UBE3C: variants seen among roughly 807,000 people sequenced by gnomAD.
UBE3C encodes ubiquitin protein ligase E3C, also known as ubiquitin-protein ligase E3C.
UBE3C carries 42 observed loss-of-function variants against 129.4 expected under a neutral mutation model. That is an observed-to-expected ratio of 0.32 (90% CI 0.25 to 0.42). The LOEUF is 0.42. UBE3C is among the 10% of genes least tolerant of loss of function. UBE3C has a pLI of 1.00. For missense variants in UBE3C, 1,049 were observed against 1,319.1 expected (o/e 0.80, Z 3.17); for synonymous variants, 510 against 492.4 (o/e 1.04, Z -0.47).
chr7:157,204,889 C>T (rs1308083752), intron 11 of UBE3C, among the ~76,000 whole-genome samples: 3 of 152,202 alleles, frequency 2.0e-5, no homozygotes, highest in Non-Finnish European at 4.4e-5. Context: ...CTTAAAAGCT[C>T]TTTGCAAGGG....
intron 11 of UBE3C, among the ~76,000 whole-genome samples, chr7:157,205,092 A>G (rs942685316): frequency 2.6e-5 from 4 of 152,248 alleles, no homozygotes; most frequent in Middle Eastern, 3.2e-3. Flanking sequence ...TTATTTGCAC[A>G]TAAGTCTTTG....
chr7:157,239,188 A>G (rs1259567393), intron 18 of UBE3C, among the ~76,000 whole-genome samples: 1 of 152,234 alleles, frequency 6.6e-6, no homozygotes, highest in Non-Finnish European at 1.5e-5. Context: ...TAGCCCCTAA[A>G]CTGGAAACTA....
In UBE3C at chr7:157,194,538, AG is replaced by A. The variant is rs538939031; in HGVS notation, c.1332-7181del. Among the ~76,000 whole-genome samples the A allele has an allele frequency of 1.8e-3, 269 of 152,340 alleles. 1 individual carries two copies. The highest frequency in any genetic ancestry group is 3.4e-3 in the Middle Eastern group (1 of 294). ...GGCTCTGGAATTAGGCAGTAGGTCG[AG>A]GCTGGAAGAATTCTGAGGCGCATGC... On this transcript the variant is annotated intron_variant, in intron 10 of 22. Coordinates refer to ENST00000348165, the MANE Select transcript of UBE3C (RefSeq NM_014671.3).
At chr7:157,225,609 T>G (rs1349156826) in intron 17 of UBE3C, 70 bp downstream of exon 17, 1 of 1,459,786 alleles carries the variant, frequency 6.9e-7, no homozygotes, top group African/African-American at 1.4e-5. Context: ...AAATGGTGGT[T>G]CTTTAAAAAT....
intron 4 of UBE3C, among the ~76,000 whole-genome samples, chr7:157,171,869 G>A (rs906017910): frequency 1.7e-4 from 26 of 150,518 alleles, no homozygotes; most frequent in African/African-American, 5.3e-4. Context: ...ACCACGCCCA[G>A]CTAATTTTTG....
At chr7:157,243,764 C>T (rs1272374799) in intron 18 of UBE3C, among the ~76,000 whole-genome samples, 1 of 152,200 alleles carries the variant, frequency 6.6e-6, no homozygotes, top group Admixed American at 6.5e-5. Context: ...TATACATAAC[C>T]TGAAACCCAC....
chr7:157,263,387 C>T (rs1471699763), intron 22 of UBE3C, among the ~76,000 whole-genome samples: 1 of 152,172 alleles, frequency 6.6e-6, no homozygotes, highest in African/African-American at 2.4e-5. Flanking sequence ...TACAGAAAGT[C>T]GAACGGGGGC....
At chr7:157,192,623 T>C (rs1053315976) in intron 10 of UBE3C, 1 of 765,178 alleles carries the variant, frequency 1.3e-6, no homozygotes, top group African/African-American at 1.7e-5. Flanking sequence ...CTTACCCCAC[T>C]CCCAAGAAGA....
intron 10 of UBE3C, among the ~76,000 whole-genome samples, chr7:157,194,771 C>T (rs185777828): frequency 1.1e-4 from 17 of 152,210 alleles, no homozygotes; most frequent in Admixed American, 9.2e-4. Context: ...TACATAGTGG[C>T]AAAAAGCTAA....
At chr7:157,173,350 T>G (rs919612955) in intron 4 of UBE3C, among the ~76,000 whole-genome samples, 1 of 152,106 alleles carries the variant, frequency 6.6e-6, no homozygotes. Context: ...CACTCCAGCC[T>G]GGGCGGTTGA....
intron 10 of UBE3C, among the ~76,000 whole-genome samples, chr7:157,189,856 A>G (rs1808907802): frequency 1.3e-5 from 2 of 151,994 alleles, no homozygotes; most frequent in South Asian, 4.1e-4. Flanking sequence ...GCTGGAGTGC[A>G]GTGGTGTGAA....
chr7:157,245,171 G>T (rs1385007884), intron 18 of UBE3C, among the ~76,000 whole-genome samples: 1 of 152,148 alleles, frequency 6.6e-6, no homozygotes, highest in Non-Finnish European at 1.5e-5. Flanking sequence ...GTAAAAAATG[G>T]TACCTATGCA....
At chr7:157,197,566 G>T (rs1465006280) in intron 10 of UBE3C, 7 of 1,339,590 alleles carry the variant, frequency 5.2e-6, no homozygotes, top group African/African-American at 1.5e-5. Context: ...CACATCATCT[G>T]TTCCCACATG....
intron 10 of UBE3C, among the ~76,000 whole-genome samples, chr7:157,187,440 G>A (rs1808840172): frequency 6.6e-6 from 1 of 150,412 alleles, no homozygotes; most frequent in African/African-American, 2.5e-5. Context: ...AGAGTGCAGT[G>A]GTGTGATCAT....
chr7:157,243,154 C>T (rs1345302083), intron 18 of UBE3C, among the ~76,000 whole-genome samples: 2 of 152,190 alleles, frequency 1.3e-5, no homozygotes, highest in Non-Finnish European at 2.9e-5. Context: ...AGGAGATGTG[C>T]ACGTGTCCTC....
rs145460288 is a variant in UBE3C at position 157,250,839 on chromosome 7, G to A, written c.2694+2259G>A. ...ATTTCTAAATGGCATAAAAGCCTTC[G>A]GACGGTGAGTGTTGTGGTGACCTGC... On this transcript the variant is annotated intron_variant, in intron 19 of 22. Coordinates refer to ENST00000348165, the MANE Select transcript of UBE3C (RefSeq NM_014671.3). Among the ~76,000 whole-genome samples the A allele has an allele frequency of 1.6e-4, 24 of 152,266 alleles. No individual in the cohort carries two copies. The East Asian group carries it at 3.7e-3, about 23-fold the overall frequency.
At chr7:157,219,012 T>A (rs780566385) in intron 14 of UBE3C, among the ~76,000 whole-genome samples, 1 of 152,124 alleles carries the variant, frequency 6.6e-6, no homozygotes, top group Non-Finnish European at 1.5e-5. Context: ...AAACAGATAG[T>A]GTGTGATCTT....
chr7:157,220,418 A>C (rs1043645483), intron 14 of UBE3C, among the ~76,000 whole-genome samples: 1 of 152,252 alleles, frequency 6.6e-6, no homozygotes, highest in Non-Finnish European at 1.5e-5. Context: ...TTATTTTACT[A>C]TGTTTAGATA....
chr7:157,210,782 T>C (rs1201465167), intron 13 of UBE3C, among the ~76,000 whole-genome samples: 2 of 152,214 alleles, frequency 1.3e-5, no homozygotes, highest in African/African-American at 2.4e-5. Context: ...ACCTGACTCC[T>C]TCAACACCGA....
Sources: allele counts gnomAD v4.1 joint callset (sites outside exome capture counted in the v4.1 genomes callset), GRCh38; gene constraint gnomAD v4.1.1; transcripts MANE v1.5; gene names NCBI Gene and HGNC (gene_info 2026-07-23, HGNC 2026-07-21).